Variants in CNTN4 observed in about 807,000 individuals in gnomAD.
The protein encoded by CNTN4 is contactin-4.
In CNTN4, 77 loss-of-function variants were observed where a neutral mutation model predicts 122.5. The ratio of observed to expected loss-of-function variants is 0.63; its 90% CI spans 0.52 to 0.76. CNTN4 has a LOEUF of 0.76. CNTN4 is among the 30% of genes least tolerant of loss of function. CNTN4 has a pLI of 0.00. For missense variants in CNTN4, 1,256 were observed against 1,259.1 expected (o/e 1.00, Z 0.04); for synonymous variants, 512 against 447.0 (o/e 1.15, Z -1.83).
intron 3 of CNTN4, among the ~76,000 whole-genome samples, chr3:2,452,782 G>T (rs71309899): frequency 3.0e-4 from 46 of 152,028 alleles, no homozygotes; most frequent in African/African-American, 1.1e-3. Context: ...CCTAATCCTC[G>T]TATGAAGATA....
At chr3:2,123,493 T>C (rs939509919) in intron 2 of CNTN4, among the ~76,000 whole-genome samples, 10 of 152,198 alleles carry the variant, frequency 6.6e-5, no homozygotes, top group Admixed American at 6.5e-4. Context: ...CTTTGGTTGG[T>C]CCAGCTTTTG....
chr3:2,619,087 A>G (rs1256168680), intron 4 of CNTN4, among the ~76,000 whole-genome samples: 3 of 152,224 alleles, frequency 2.0e-5, no homozygotes, highest in African/African-American at 7.2e-5. Flanking sequence ...TTACTTGAGT[A>G]TCTCTTCATA....
At chr3:2,699,454 A>G (rs2149249394) in intron 4 of CNTN4, among the ~76,000 whole-genome samples, 1 of 152,316 alleles carries the variant, frequency 6.6e-6, no homozygotes, top group South Asian at 2.1e-4. Context: ...TTCAAATGCA[A>G]CTCACTTGAA....
intron 4 of CNTN4, among the ~76,000 whole-genome samples, chr3:2,681,921 A>T (rs2085186756): frequency 6.6e-6 from 1 of 152,202 alleles, no homozygotes; most frequent in African/African-American, 2.4e-5. Context: ...AAAGAATAAG[A>T]TGAATATTTT....
intron 20 of CNTN4, chr3:3,041,019 T>C (rs1189655617): frequency 1.3e-5 from 2 of 152,330 alleles, no homozygotes; most frequent in African/African-American, 4.8e-5. Flanking sequence ...TCATTATGTT[T>C]AACATTTCTC....
intron 14 of CNTN4, among the ~76,000 whole-genome samples, chr3:3,017,755 C>T (rs9840303): frequency 0.14 from 20,917 of 152,108 alleles, 1,701 homozygotes; most frequent in African/African-American, 0.23. Context: ...TGGGTGCTCA[C>T]GAGGAAGAAA....
intron 5 of CNTN4, 145 bp downstream of exon 5, chr3:2,736,486 C>T (rs1363307502): frequency 1.2e-4 from 37 of 311,628 alleles, no homozygotes; most frequent in Non-Finnish European, 1.5e-4. Context: ...TTTTTGGGAC[C>T]GAGTTTTGCT....
At chr3:2,386,575 G>A (rs147150349) in intron 3 of CNTN4, among the ~76,000 whole-genome samples, 5 of 152,222 alleles carry the variant, frequency 3.3e-5, no homozygotes, top group Non-Finnish European at 5.9e-5. Flanking sequence ...TTTTGGAGAC[G>A]TTTATGTAAG....
In CNTN4 at chr3:2,355,774, A is replaced by G. The variant is rs570258685; in HGVS notation, c.-89+16541A>G. 2.4e-4 allele frequency among the ~76,000 whole-genome samples: 37 copies of G among 152,316 alleles called. 1 individual carries two copies. The highest frequency in any genetic ancestry group is 8.7e-4 in the African/African-American group (36 of 41,574). On this transcript the variant is annotated intron_variant, in intron 3 of 24. Transcript: ENST00000418658. ...ACAGTGAGAAAAATCTCCTGCTCCAAACAGTTTTTAGTACAAGGAAAAACC... is the reference window on the plus strand; with the variant it reads ...ACAGTGAGAAAAATCTCCTGCTCCAGACAGTTTTTAGTACAAGGAAAAACC...
chr3:2,982,710 G>C (rs9850333), intron 13 of CNTN4, among the ~76,000 whole-genome samples: 27,934 of 152,090 alleles, frequency 0.18, 2,878 homozygotes, highest in African/African-American at 0.26. Context: ...GACTGGCCAG[G>C]TCTGGGTCCC....
intron 4 of CNTN4, among the ~76,000 whole-genome samples, chr3:2,705,927 T>C (rs1180931218): frequency 7.9e-6 from 1 of 126,522 alleles, no homozygotes; most frequent in Non-Finnish European, 1.6e-5. Context: ...ATATGTAATA[T>C]ATAATTTATA....
At chr3:3,018,474 G>C (rs537851225) in intron 14 of CNTN4, among the ~76,000 whole-genome samples, 21 of 152,270 alleles carry the variant, frequency 1.4e-4, no homozygotes, top group African/African-American at 4.8e-4. Flanking sequence ...GCACAGAAGA[G>C]TAATCACAGT....
rs553212427 is a variant in CNTN4, at chr3:2,753,394, C to G, written c.358+7697C>G. 5.9e-5 allele frequency among the ~76,000 whole-genome samples: 9 copies of G among 152,276 alleles called. No individual in the cohort carries two copies. The South Asian group carries it at 1.7e-3, about 28-fold the overall frequency. ...CATAATAAATGTTATAATGTGAATACTCTATGTTGGATATTATACTAAGCA... is the reference window on the plus strand; with the variant it reads ...CATAATAAATGTTATAATGTGAATAGTCTATGTTGGATATTATACTAAGCA... On this transcript the variant is annotated intron_variant, in intron 6 of 24. Transcript: ENST00000418658.
At chr3:2,820,991 TCGC>T in intron 7 of CNTN4, among the ~76,000 whole-genome samples, 1 of 124,220 alleles carries the variant, frequency 8.1e-6, no homozygotes, top group Non-Finnish European at 1.7e-5. Flanking sequence ...AGACAGAGTC[TCGC>T]TTTGTCACCC....
intron 13 of CNTN4, among the ~76,000 whole-genome samples, chr3:2,952,316 A>G (rs985521859): frequency 9.9e-5 from 15 of 152,214 alleles, no homozygotes; most frequent in African/African-American, 3.4e-4. Flanking sequence ...TACCATAAAA[A>G]GGACTAGATT....
chr3:2,479,474 A>G (rs919189530), intron 3 of CNTN4, among the ~76,000 whole-genome samples: 1 of 152,178 alleles, frequency 6.6e-6, no homozygotes, highest in African/African-American at 2.4e-5. Flanking sequence ...GTCAGCCCAT[A>G]AAAGGGAAGA....
intron 2 of CNTN4, among the ~76,000 whole-genome samples, chr3:2,159,804 A>G (rs1286401594): frequency 6.6e-6 from 1 of 152,098 alleles, no homozygotes; most frequent in African/African-American, 2.4e-5. Flanking sequence ...AATCTGAATA[A>G]TAAGGTCAAT....
intron 2 of CNTN4, among the ~76,000 whole-genome samples, chr3:2,112,963 A>G (rs1034020055): frequency 3.9e-5 from 6 of 152,144 alleles, no homozygotes; most frequent in Non-Finnish European, 5.9e-5. Context: ...TGCACCCTCT[A>G]CTATAGTTTC....
chr3:2,889,193 TC>T (rs1317727406), intron 10 of CNTN4, among the ~76,000 whole-genome samples: 1 of 152,176 alleles, frequency 6.6e-6, no homozygotes, highest in African/African-American at 2.4e-5. Context: ...TAAGTGACTC[TC>T]AGCATTTCAT....
Sources: gnomAD v4.1 joint callset for allele counts (sites outside exome capture counted in the v4.1 genomes callset) on GRCh38, gnomAD v4.1.1 for gene constraint, MANE v1.5 for transcripts, NCBI Gene and HGNC (gene_info 2026-07-23, HGNC 2026-07-21) for gene names.